The following MRTFA variants were observed in gnomAD, a reference collection of about 807,000 sequenced individuals.
MRTFA encodes the protein myocardin-related transcription factor A.
Under a neutral mutation model 83.5 loss-of-function variants are expected in MRTFA, and 20 were observed. That is an observed-to-expected ratio of 0.24 (90% CI 0.17 to 0.35). The LOEUF is 0.35. Among genes scored for constraint, MRTFA ranks in the 10% least tolerant of loss-of-function variants. The pLI is 1.00. For missense variants in MRTFA, 1,200 were observed against 1,224.7 expected, an observed-to-expected ratio of 0.98 and a Z score of 0.30; for synonymous variants, 659 against 541.2, an observed-to-expected ratio of 1.22 and a Z score of -3.02.
intron 4 of MRTFA, among the ~76,000 whole-genome samples, chr22:40,439,555 G>A (rs1409303791): frequency 1.3e-5 from 2 of 151,130 alleles, no homozygotes; most frequent in African/African-American, 2.4e-5. Flanking sequence ...GAAACTGTTG[G>A]GTAGGGGGAC....
intron 1 of MRTFA, among the ~76,000 whole-genome samples, chr22:40,632,624 C>G (rs576918273): frequency 3.9e-5 from 6 of 152,038 alleles, no homozygotes; most frequent in African/African-American, 4.8e-5. Flanking sequence ...TTAGTAGCGA[C>G]GGGGTTTCCC....
At chr22:40,473,571 T>C (rs1225665047) in intron 3 of MRTFA, among the ~76,000 whole-genome samples, 8 of 152,142 alleles carry the variant, frequency 5.3e-5, no homozygotes, top group Admixed American at 5.2e-4. Flanking sequence ...TTTCTCTAAT[T>C]TTCAGGCACC....
At chr22:40,608,775 A>T (rs1279071270) in intron 1 of MRTFA, among the ~76,000 whole-genome samples, 3 of 152,224 alleles carry the variant, frequency 2.0e-5, no homozygotes, top group Non-Finnish European at 4.4e-5. Context: ...TCTTCTGCAT[A>T]ATAAAAATAA....
intron 3 of MRTFA, among the ~76,000 whole-genome samples, chr22:40,518,963 G>A (rs939475259): frequency 2.7e-5 from 4 of 150,240 alleles, no homozygotes; most frequent in Admixed American, 6.6e-5. Flanking sequence ...TTATGTTTTC[G>A]TGATTTTTGT....
Position 40,612,429 on chromosome 22 carries a change from T to C in MRTFA, c.-83-17694A>G, listed in dbSNP as rs550264729. ...GTCAGGCACTCTTACAGTACACACATGTGTGGCAGTGTAGATTAGCTGTTA... is the reference window on the plus strand; with the variant it reads ...GTCAGGCACTCTTACAGTACACACACGTGTGGCAGTGTAGATTAGCTGTTA... On this transcript the variant is annotated intron_variant, in intron 1 of 14. Coordinates refer to ENST00000355630, the MANE Select transcript of MRTFA (RefSeq NM_020831.6). 3.3e-5 allele frequency among the ~76,000 whole-genome samples: 5 copies of C among 152,032 alleles called. No homozygotes were observed. In the South Asian group the frequency reaches 8.3e-4, roughly 25 times the overall value.
At chr22:40,635,119 C>T (rs1394746157) in intron 1 of MRTFA, among the ~76,000 whole-genome samples, 1 of 152,172 alleles carries the variant, frequency 6.6e-6, no homozygotes, top group African/African-American at 2.4e-5. Context: ...ACATAAAGCC[C>T]TTTGGTTCGC....
intron 3 of MRTFA, among the ~76,000 whole-genome samples, chr22:40,527,447 G>C (rs1304275714): frequency 6.6e-6 from 1 of 151,058 alleles, no homozygotes; most frequent in African/African-American, 2.4e-5. Context: ...TCGTTATAAA[G>C]AAAATCTTTT....
At chr22:40,443,253 A>C (rs558139492) in intron 4 of MRTFA, among the ~76,000 whole-genome samples, 1 of 152,170 alleles carries the variant, frequency 6.6e-6, no homozygotes, top group Non-Finnish European at 1.5e-5. Context: ...CTGTCTCAAA[A>C]AAAAACAAAA....
chr22:40,531,403 T>C (rs1461617936), intron 3 of MRTFA, among the ~76,000 whole-genome samples: 3 of 151,730 alleles, frequency 2.0e-5, no homozygotes, highest in African/African-American at 7.3e-5. Flanking sequence ...AGTTTGTATA[T>C]AACATACATG....
At chr22:40,630,482 T>C (rs1362431294) in intron 1 of MRTFA, among the ~76,000 whole-genome samples, 1 of 152,132 alleles carries the variant, frequency 6.6e-6, no homozygotes, top group Non-Finnish European at 1.5e-5. Context: ...AAATCAGAGA[T>C]TTCAGACTTC....
At chr22:40,437,558 G>A (rs951667395) in intron 4 of MRTFA, among the ~76,000 whole-genome samples, 11 of 152,052 alleles carry the variant, frequency 7.2e-5, no homozygotes, top group African/African-American at 2.4e-4. Flanking sequence ...TAAGGAGTTC[G>A]AGACGAGCCT....
intron 4 of MRTFA, among the ~76,000 whole-genome samples, chr22:40,457,103 G>A (rs369400911): frequency 2.6e-5 from 4 of 152,112 alleles, no homozygotes; most frequent in Admixed American, 2.6e-4. Flanking sequence ...AGTGGCTCAC[G>A]CCTGTAATCC....
rs746860355 is a variant in MRTFA at position 40,586,921 on chromosome 22, CTGG to C, written c.-22+7750_-22+7752del. 6.8e-3 allele frequency: 2,925 copies of C among 431,370 alleles called. 40 individuals carry two copies. Among genetic ancestry groups the C allele is most frequent in the Middle Eastern group, 0.042 (98 of 2,316 alleles). The allele number at this position is 431,370 out of a possible 1,614,324, so 26.7% of individuals were successfully genotyped here. A position where few individuals can be genotyped will look rare whatever the true frequency, so the allele number is the denominator to read the frequency against. On this transcript the variant is annotated intron_variant, in intron 2 of 14. Transcript: ENST00000355630. The stretch of plus-strand genomic sequence containing the variant: ...GCTGCTGGTGCTGCTGGTGCTGGTG[CTGG>C]TGCTGCTGCTGCTGCTGCCACCGCC...
At position 40,419,266 on chromosome 22, in the gene MRTFA, G is replaced by T; in HGVS notation, c.1472C>A (p.Pro491His). Reference sequence around the variant, plus strand: ...GATAGAGGTGGCGGCAGGGGCCTTGGGGGCTCCTGGCACAGGGCTGATTTG... The same window carrying T: ...GATAGAGGTGGCGGCAGGGGCCTTGTGGGCTCCTGGCACAGGGCTGATTTG... The change falls in exon 12 of 15, where the codon CCC becomes CAC. Residue 491 changes from proline (P) to histidine (H), a missense_variant. Physicochemically the swap from Pro to His is moderately conservative, Grantham distance 77 (BLOSUM62 -2). Transcript: ENST00000355630. 2 of 1,613,198 alleles carry T rather than the reference G, an allele frequency of 1.2e-6. No individual in the cohort carries two copies. Among genetic ancestry groups the T allele is most frequent in the South Asian group, 2.2e-5 (2 of 90,924 alleles).
intron 4 of MRTFA, among the ~76,000 whole-genome samples, chr22:40,437,576 A>G (rs2053195411): frequency 6.6e-6 from 1 of 152,096 alleles, no homozygotes; most frequent in Non-Finnish European, 1.5e-5. Context: ...CCTGGCCAAC[A>G]TGGTGAAACC....
At chr22:40,478,041 A>G (rs1485751379) in intron 3 of MRTFA, among the ~76,000 whole-genome samples, 1 of 152,140 alleles carries the variant, frequency 6.6e-6, no homozygotes, top group Admixed American at 6.5e-5. Context: ...AGCTATCAAT[A>G]CCAAAATAGT....
intron 4 of MRTFA, among the ~76,000 whole-genome samples, chr22:40,437,106 A>G (rs147960134): frequency 6.6e-6 from 1 of 152,340 alleles, no homozygotes; most frequent in African/African-American, 2.4e-5. Context: ...GGGGAGCTCT[A>G]GATTTAACAA....
At chr22:40,626,892 C>CACAT (rs1179158293) in intron 1 of MRTFA, among the ~76,000 whole-genome samples, 1 of 151,782 alleles carries the variant, frequency 6.6e-6, no homozygotes, top group Non-Finnish European at 1.5e-5. Flanking sequence ...CACACACACA[C>CACAT]ACACACACTA....
intron 2 of MRTFA, among the ~76,000 whole-genome samples, chr22:40,558,047 T>C (rs887779677): frequency 6.6e-6 from 1 of 151,912 alleles, no homozygotes; most frequent in African/African-American, 2.4e-5. Context: ...GTGCTGGAAT[T>C]ACAGGCATGA....
Sources: allele counts gnomAD v4.1 joint callset (sites outside exome capture counted in the v4.1 genomes callset), GRCh38; gene constraint gnomAD v4.1.1; transcripts MANE v1.5; gene names NCBI Gene and HGNC (gene_info 2026-07-23, HGNC 2026-07-21).